Variants in DNM2 observed in about 807,000 individuals in gnomAD.
The protein encoded by DNM2 is dynamin-2.
Under a neutral mutation model 99.0 loss-of-function variants are expected in DNM2, and 15 were observed. The observed-to-expected ratio is 0.15, with a 90% CI of 0.10 to 0.23. The LOEUF (loss-of-function observed/expected upper bound fraction) is 0.23. Among genes scored for constraint, DNM2 ranks in the 10% least tolerant of loss-of-function variants. The pLI is 1.00. For synonymous variants in DNM2, 525 were observed against 481.2 expected (o/e 1.09, Z -1.19); for missense variants, 742 against 1,189.4 (o/e 0.62, Z 5.53).
rs544753351 is a variant in DNM2 at position 10,811,456 on chromosome 19, C to T, written c.1558-808C>T. ...CTGGGGGATGCAGGCCAGCCCTTCGCAGCTGTCCATGGCCATGCTCAGCCC... is the reference window on the plus strand; with the variant it reads ...CTGGGGGATGCAGGCCAGCCCTTCGTAGCTGTCCATGGCCATGCTCAGCCC... On this transcript the variant is annotated intron_variant, in intron 14 of 20. Coordinates refer to ENST00000389253, the MANE Select transcript of DNM2 (RefSeq NM_001005361.3). The surrounding 1 kb of genome is among the most constrained non-coding windows in gnomAD (Gnocchi z 5.4). 20 of 345,778 alleles carry T rather than the reference C, an allele frequency of 5.8e-5. No homozygotes were observed. The Admixed American group carries it at 6.2e-4, about 11-fold the overall frequency. 21.4% of individuals were successfully genotyped at this position (345,778 alleles called of 1,614,324 possible). A position where few individuals can be genotyped will look rare whatever the true frequency, so the allele number is the denominator to read the frequency against.
At chr19:10,731,124 T>C (rs2069299047) in intron 1 of DNM2, among the ~76,000 whole-genome samples, 1 of 152,036 alleles carries the variant, frequency 6.6e-6, no homozygotes, top group South Asian at 2.1e-4. Context: ...CCCTGCCTGC[T>C]GGGTGATACG....
At chr19:10,805,199 T>A (rs573881880) in intron 12 of DNM2, among the ~76,000 whole-genome samples, 1 of 152,340 alleles carries the variant, frequency 6.6e-6, no homozygotes, top group Admixed American at 6.5e-5. Flanking sequence ...CGACCTTGGA[T>A]GTCCTCTAAA....
At chr19:10,770,587 T>C (rs1416633300) in intron 2 of DNM2, among the ~76,000 whole-genome samples, 1 of 152,040 alleles carries the variant, frequency 6.6e-6, no homozygotes, top group Non-Finnish European at 1.5e-5. Context: ...ACCGGGCAAT[T>C]TACAAAAGAA....
At chr19:10,752,917 G>T (rs563694108) in intron 1 of DNM2, among the ~76,000 whole-genome samples, 1 of 152,292 alleles carries the variant, frequency 6.6e-6, no homozygotes, top group East Asian at 1.9e-4. Context: ...TTGCACTCCA[G>T]CCTGGGTGAC....
rs1048734680 is a variant in DNM2 at position 10,772,196 on chromosome 19, C to T, written c.236-283C>T. Among the ~76,000 whole-genome samples the T allele has an allele frequency of 2.6e-5, 4 of 152,044 alleles. No homozygotes were observed. The highest frequency in any genetic ancestry group is 9.7e-5 in the African/African-American group (4 of 41,398). On this transcript the variant is annotated intron_variant, in intron 2 of 20. Transcript: ENST00000389253. The surrounding 1 kb of genome is among the most constrained non-coding windows in gnomAD (Gnocchi z 4.9). ...CCGGGTTCAAGCAATTATCCTGCCTCAGCCTCCTGAGTAGCTGAGACTACA... is the reference window on the plus strand; with the variant it reads ...CCGGGTTCAAGCAATTATCCTGCCTTAGCCTCCTGAGTAGCTGAGACTACA...
chr19:10,830,165 C>A lies in DNM2; in HGVS notation c.2330C>A (p.Pro777His). The A allele has an allele frequency of 6.2e-7, 1 of 1,613,820 alleles. No homozygotes were observed. The highest frequency in any genetic ancestry group is 8.5e-7 in the Non-Finnish European group (1 of 1,179,782). The change falls in exon 20 of 21, where the codon CCC (proline) becomes CAC (histidine). Residue 777 changes from proline (P) to histidine (H), a missense_variant. Pro to His is a moderately conservative substitution (Grantham distance 77, BLOSUM62 -2). Around this residue, in one of 7 missense-constraint regions of DNM2, gnomAD observed 187 missense variants for 218.8 expected, o/e 0.85. Coordinates refer to ENST00000389253, the MANE Select transcript of DNM2 (RefSeq NM_001005361.3). This position sits in a 1 kb window ranked among gnomAD's most constrained non-coding sequence, Gnocchi z 4.8. The stretch of plus-strand genomic sequence containing the variant: ...CGCCGACCGGTGTCCAGCATACACC[C>A]CCCTGGCCGGCCCCCAGCAGTGAGG... Reference protein sequence around the residue: ...PQRRPVSSIHPPGRPPAVRGP... With the variant: ...PQRRPVSSIHHPGRPPAVRGP...
intron 1 of DNM2, among the ~76,000 whole-genome samples, chr19:10,729,182 A>AT (rs1568265425): frequency 1.0e-4 from 13 of 124,550 alleles, no homozygotes; most frequent in Non-Finnish European, 1.6e-4. Context: ...AAAAAAAAAA[A>AT]AAAAAAAATA....
At chr19:10,733,021 T>A (rs374493038) in intron 1 of DNM2, among the ~76,000 whole-genome samples, 44 of 151,560 alleles carry the variant, frequency 2.9e-4, no homozygotes, top group African/African-American at 1.0e-3. Context: ...GTAGCTGGGA[T>A]TACAGACACC....
intron 1 of DNM2, among the ~76,000 whole-genome samples, chr19:10,722,768 C>G (rs548588866): frequency 3.3e-5 from 5 of 152,090 alleles, no homozygotes; most frequent in African/African-American, 1.2e-4. Context: ...GCTGGGACTA[C>G]AGGCACGTGC....
chr19:10,724,985 C>T (rs1040078878), intron 1 of DNM2, among the ~76,000 whole-genome samples: 21 of 152,196 alleles, frequency 1.4e-4, no homozygotes, highest in Non-Finnish European at 2.8e-4. Flanking sequence ...TGCACCAGTG[C>T]ACATCGGATG....
At chr19:10,766,623 G>A (rs528371401) in intron 2 of DNM2, among the ~76,000 whole-genome samples, 10 of 151,962 alleles carry the variant, frequency 6.6e-5, no homozygotes, top group African/African-American at 1.9e-4. Context: ...ATGCTAGGGG[G>A]AACTGTGATC....
chr19:10,828,904 G>A, intron 18 of DNM2, 132 bp from the exon 19 acceptor site: 1 of 915,482 alleles, frequency 1.1e-6, no homozygotes, highest in Non-Finnish European at 1.7e-6. Flanking sequence ...CAGCCTGGGT[G>A]ACAGAGCAAG....
intron 1 of DNM2, among the ~76,000 whole-genome samples, chr19:10,730,623 C>T (rs1032524890): frequency 2.0e-5 from 3 of 152,148 alleles, no homozygotes; most frequent in African/African-American, 7.2e-5. Flanking sequence ...GCAAGGACAT[C>T]TTCCTTTGGA....
At chr19:10,771,515 G>A (rs1211250197) in intron 2 of DNM2, among the ~76,000 whole-genome samples, 1 of 139,556 alleles carries the variant, frequency 7.2e-6, no homozygotes, top group African/African-American at 2.7e-5. Context: ...CTGAGGAGGC[G>A]GCAGGGGTGC....
chr19:10,793,982 A>G (rs1261235549), intron 8 of DNM2, 127 bp downstream of exon 8: 1 of 1,503,978 alleles, frequency 6.6e-7, no homozygotes, highest in Admixed American at 1.7e-5. Context: ...TGTGGTGGGC[A>G]GGGTGTGGCC....
At position 10,823,615 on chromosome 19, in the gene DNM2, G is replaced by A. The variant is rs78184887; in HGVS notation, c.1782-173G>A. On this transcript the variant is annotated intron_variant, in intron 16 of 20. Coordinates refer to ENST00000389253, the MANE Select transcript of DNM2 (RefSeq NM_001005361.3). ...GACACTTGCCGAGCTTGTGCACAGC[G>A]CTCTTCTGTGTAGGCGTCACTCACG... 2.8e-3 allele frequency: 1,753 copies of A among 629,296 alleles called. 5 individuals are homozygous for A. Among genetic ancestry groups the A allele is most frequent in the African/African-American group, 5.9e-3 (323 of 54,830 alleles). 39.0% of individuals were successfully genotyped at this position (629,296 alleles called of 1,614,324 possible).
rs1297504669 is a variant in DNM2 at position 10,830,373 on chromosome 19, G to T, written c.2538G>T (p.Val846=). Residue 846 remains valine, a synonymous_variant, in exon 20 of 21, where the codon GTG becomes GTT. Coordinates refer to ENST00000389253, the MANE Select transcript of DNM2 (RefSeq NM_001005361.3). The surrounding 1 kb of genome is among the most constrained non-coding windows in gnomAD (Gnocchi z 4.8). ...VRIPPGIPPG[V]PSRRPPAAPS... is the part of the protein sequence containing the mutation. ...TCCCCCCAGGGATTCCCCCAGGAGT[G>T]CCCAGGTAAGGCCAACCCCCTGCCC... is the stretch of plus-strand genomic sequence containing the variant. The T allele has an allele frequency of 6.2e-7, 1 of 1,609,986 alleles. No homozygotes were observed. Among genetic ancestry groups the T allele is most frequent in the Non-Finnish European group, 8.5e-7 (1 of 1,179,550 alleles).
At chr19:10,793,682 C>T in intron 7 of DNM2, 38 bp from the exon 8 acceptor site, 2 of 1,613,576 alleles carry the variant, frequency 1.2e-6, no homozygotes, top group East Asian at 2.2e-5. Flanking sequence ...AGTGTGGAAA[C>T]CTCCGTTTTG....
At chr19:10,781,244 T>C (rs1609435) in intron 5 of DNM2, 6,092 of 152,360 alleles carry the variant, frequency 0.04, 184 homozygotes, top group Non-Finnish European at 0.063. Context: ...TGGCCCCTGC[T>C]GTTTCCTTCT....
Sources: gnomAD v4.1 joint callset for allele counts (sites outside exome capture counted in the v4.1 genomes callset) on GRCh38, gnomAD v4.1.1 for gene constraint, gnomAD v4.1.1 regional missense constraint, Gnocchi (gnomAD v3.1) non-coding constraint, MANE v1.5 for transcripts, NCBI Gene and HGNC (gene_info 2026-07-23, HGNC 2026-07-21) for gene names.